The following DSCAM variants were observed in gnomAD, a reference collection of about 807,000 sequenced individuals.
The protein encoded by DSCAM is cell adhesion molecule DSCAM.
Under a neutral mutation model 217.7 loss-of-function variants are expected in DSCAM, and 47 were observed. The observed-to-expected ratio is 0.22, with a 90% CI of 0.17 to 0.28. The LOEUF is 0.28. DSCAM is among the 10% of genes least tolerant of loss of function. DSCAM has a pLI of 1.00. For synonymous variants in DSCAM, 1,056 were observed against 1,015.3 expected, an observed-to-expected ratio of 1.04 and a Z score of -0.76; for missense variants, 2,080 against 2,618.3, an observed-to-expected ratio of 0.79 and a Z score of 4.49.
rs116310001 is a variant in DSCAM at position 40,557,751 on chromosome 21, C to A, written c.508+135059G>T. Reference sequence around the variant, plus strand: ...ATGCAGATGCTCAATCTTAAACTTTCCAGCCATCAGAATTGTGAGCCAAGC... The same window carrying A: ...ATGCAGATGCTCAATCTTAAACTTTACAGCCATCAGAATTGTGAGCCAAGC... On this transcript the variant is annotated intron_variant, in intron 3 of 32. Transcript: ENST00000400454. Among the ~76,000 whole-genome samples the A allele has an allele frequency of 2.0e-3, 306 of 152,296 alleles. 2 individuals are homozygous for A. The highest frequency in any genetic ancestry group is 3.6e-3 in the Non-Finnish European group (245 of 68,022).
intron 8 of DSCAM, among the ~76,000 whole-genome samples, chr21:40,335,617 T>C (rs1012248358): frequency 2.0e-5 from 3 of 152,200 alleles, no homozygotes; most frequent in Non-Finnish European, 2.9e-5. Flanking sequence ...GAAATTTTTC[T>C]CGAAAGAAAT....
chr21:40,170,269 G>A (rs529430130), intron 15 of DSCAM, among the ~76,000 whole-genome samples: 2 of 152,286 alleles, frequency 1.3e-5, no homozygotes, highest in East Asian at 3.9e-4. Flanking sequence ...TCCCTGTAGT[G>A]TGCATATATG....
intron 1 of DSCAM, among the ~76,000 whole-genome samples, chr21:40,797,336 A>C (rs1357630561): frequency 6.6e-6 from 1 of 152,224 alleles, no homozygotes. Flanking sequence ...ATTCAATGTC[A>C]TGGTCTCTTC....
intron 3 of DSCAM, among the ~76,000 whole-genome samples, chr21:40,521,238 A>C (rs746754167): frequency 2.0e-5 from 3 of 152,186 alleles, no homozygotes; most frequent in Non-Finnish European, 4.4e-5. Flanking sequence ...TAAACATCTT[A>C]AAATACACAG....
At chr21:40,130,927 G>A (rs184733045) in intron 19 of DSCAM, among the ~76,000 whole-genome samples, 3 of 140,664 alleles carry the variant, frequency 2.1e-5, no homozygotes, top group South Asian at 2.2e-4. Context: ...GGTACAGGAC[G>A]TGTGTCTGGC....
intron 11 of DSCAM, among the ~76,000 whole-genome samples, chr21:40,211,924 T>G (rs368621336): frequency 6.6e-5 from 10 of 151,666 alleles, no homozygotes; most frequent in South Asian, 2.1e-4. Flanking sequence ...CAAATTTGTG[T>G]GTGTGTGGGT....
intron 3 of DSCAM, among the ~76,000 whole-genome samples, chr21:40,397,912 C>T (rs372924904): frequency 4.6e-5 from 7 of 152,204 alleles, no homozygotes; most frequent in East Asian, 1.9e-4. Flanking sequence ...TATTGCTATA[C>T]CATTATTACC....
At chr21:40,835,939 G>A (rs2092052375) in intron 1 of DSCAM, among the ~76,000 whole-genome samples, 1 of 152,164 alleles carries the variant, frequency 6.6e-6, no homozygotes, top group Non-Finnish European at 1.5e-5. Context: ...GGTAAATACA[G>A]TCAACTTGTG....
At chr21:40,530,643 C>A (rs2076436170) in intron 3 of DSCAM, among the ~76,000 whole-genome samples, 1 of 152,054 alleles carries the variant, frequency 6.6e-6, no homozygotes, top group Non-Finnish European at 1.5e-5. Flanking sequence ...GACAGTTTTC[C>A]TCTCACTTGG....
chr21:40,819,006 C>A (rs1234145569), intron 1 of DSCAM, among the ~76,000 whole-genome samples: 1 of 152,172 alleles, frequency 6.6e-6, no homozygotes, highest in Admixed American at 6.5e-5. Context: ...GTCTAATAAG[C>A]CCTACACGGA....
At chr21:40,013,951 A>C (rs1401935713) in intron 32 of DSCAM, among the ~76,000 whole-genome samples, 1 of 152,248 alleles carries the variant, frequency 6.6e-6, no homozygotes, top group African/African-American at 2.4e-5. Flanking sequence ...CCTACCTGCT[A>C]ACTTCTGCGT....
chr21:40,020,990 G>A (rs2088256167), intron 32 of DSCAM, among the ~76,000 whole-genome samples: 1 of 152,076 alleles, frequency 6.6e-6, no homozygotes, highest in South Asian at 2.1e-4. Flanking sequence ...AGGGCTCTGG[G>A]AAACTGAGTT....
chr21:40,372,649 T>C (rs2074910289), intron 3 of DSCAM, among the ~76,000 whole-genome samples: 1 of 152,226 alleles, frequency 6.6e-6, no homozygotes. Flanking sequence ...TGAGCTTGTC[T>C]TTATTAGCTT....
At chr21:40,165,899 T>C (rs1601401735) in intron 16 of DSCAM, among the ~76,000 whole-genome samples, 1 of 151,962 alleles carries the variant, frequency 6.6e-6, no homozygotes, top group Non-Finnish European at 1.5e-5. Flanking sequence ...ACAATGTGTG[T>C]GATGCTCGCA....
At chr21:40,278,775 A>G (rs1454715602) in intron 10 of DSCAM, among the ~76,000 whole-genome samples, 2 of 152,080 alleles carry the variant, frequency 1.3e-5, no homozygotes. Flanking sequence ...GGAGTCTTCA[A>G]AAATACTGAA....
intron 11 of DSCAM, among the ~76,000 whole-genome samples, chr21:40,211,045 C>T (rs1319756143): frequency 3.3e-5 from 5 of 152,206 alleles, no homozygotes; most frequent in Admixed American, 6.5e-5. Context: ...ACCCATTGTA[C>T]CTGTCTACTA....
Position 40,012,944 on chromosome 21 carries a change from A to T in DSCAM, c.*90T>A. ...TAATATATTTTGGCAATTTTCTTTAATTATAAATATTGGAATTCCGTAAAA... is the reference window on the plus strand; with the variant it reads ...TAATATATTTTGGCAATTTTCTTTATTTATAAATATTGGAATTCCGTAAAA... On this transcript the variant is annotated 3_prime_UTR_variant, in exon 33 of 33. Coordinates refer to ENST00000400454, the MANE Select transcript of DSCAM (RefSeq NM_001389.5). The T allele has an allele frequency of 1.0e-6, 1 of 978,938 alleles. No individual in the cohort carries two copies. Among genetic ancestry groups the T allele is most frequent in the Non-Finnish European group, 1.4e-6 (1 of 737,452 alleles). The allele number at this position is 978,938 out of a possible 1,614,324, so 60.6% of individuals were successfully genotyped here. A position where few individuals can be genotyped will look rare whatever the true frequency, so the allele number is the denominator to read the frequency against.
chr21:40,785,892 C>T (rs2091589294), intron 1 of DSCAM, among the ~76,000 whole-genome samples: 1 of 152,154 alleles, frequency 6.6e-6, no homozygotes, highest in Admixed American at 6.6e-5. Context: ...CATCATTTTC[C>T]ATTGAGATGG....
chr21:40,398,775 C>CAG (rs1410599567), intron 3 of DSCAM, among the ~76,000 whole-genome samples: 1 of 151,902 alleles, frequency 6.6e-6, no homozygotes, highest in Non-Finnish European at 1.5e-5. Flanking sequence ...GCTGGGACTA[C>CAG]AGGTGTGTGC....
Sources: gnomAD v4.1 joint callset for allele counts (sites outside exome capture counted in the v4.1 genomes callset) on GRCh38, gnomAD v4.1.1 for gene constraint, MANE v1.5 for transcripts, NCBI Gene and HGNC (gene_info 2026-07-23, HGNC 2026-07-21) for gene names.